The following HROB variants were observed in gnomAD, a reference collection of about 807,000 sequenced individuals.
HROB encodes homologous recombination OB-fold protein.
In HROB, 44 loss-of-function variants were observed where a neutral mutation model predicts 61.0. The ratio of observed to expected loss-of-function variants is 0.72; its 90% CI spans 0.57 to 0.93. HROB has a LOEUF of 0.93. HROB is among the 40% of genes least tolerant of loss of function. The pLI is 0.00. For missense variants in HROB, 716 were observed against 796.2 expected (o/e 0.90, Z 1.21); for synonymous variants, 301 against 310.4 (o/e 0.97, Z 0.32).
Position 44,148,139 on chromosome 17 carries a change from C to T in HROB, c.336C>T (p.Gly112=). Reference sequence around the variant, plus strand: ...TCTCTACTTCCAGCAGCTGGATTGGCAATCAGAGAAGAGTGACAGTGACAG... The same window carrying T: ...TCTCTACTTCCAGCAGCTGGATTGGTAATCAGAGAAGAGTGACAGTGACAG... ...RPVSTSSSWI[G]NQRRVTVTEV... is the part of the protein sequence containing the mutation. Residue 112 remains glycine, a synonymous_variant, in exon 3 of 10, where the codon GGC becomes GGT. Transcript: ENST00000585683. 6.2e-7 allele frequency: 1 copy of T among 1,614,156 alleles called. No individual in the cohort carries two copies. Among genetic ancestry groups the T allele is most frequent in the Non-Finnish European group, 8.5e-7 (1 of 1,180,034 alleles).
intron 5 of HROB, among the ~76,000 whole-genome samples, chr17:44,153,719 G>A (rs1279706905): frequency 3.9e-5 from 6 of 152,090 alleles, no homozygotes; most frequent in African/African-American, 1.4e-4. Context: ...ACTCTAGCCT[G>A]GGCAATAAGA....
intron 1 of HROB, among the ~76,000 whole-genome samples, chr17:44,143,823 A>G (rs1449471559): frequency 1.3e-5 from 2 of 152,060 alleles, no homozygotes; most frequent in African/African-American, 2.4e-5. Flanking sequence ...TCTCAAAACA[A>G]AAGACAAAAA....
In HROB at chr17:44,148,048, C is replaced by G. The variant is rs768499928; in HGVS notation, c.245C>G (p.Pro82Arg). The change falls in exon 3 of 10, where the codon CCT becomes CGT. Residue 82 changes from proline (P) to arginine (R), a missense_variant. By Grantham distance (103) the Pro-to-Arg change is moderately radical. Transcript: ENST00000585683. ...LGLPDLDLCL[P>R]ASSTPSADSR... ...CTGCCAGACTTGGACCTCTGCCTCCCTGCCTCCAGCACGCCCAGTGCTGAC... is the reference window on the plus strand; with the variant it reads ...CTGCCAGACTTGGACCTCTGCCTCCGTGCCTCCAGCACGCCCAGTGCTGAC... The G allele has an allele frequency of 3.1e-6, 5 of 1,614,136 alleles. No homozygotes were observed. Among genetic ancestry groups the G allele is most frequent in the Non-Finnish European group, 3.4e-6 (4 of 1,180,034 alleles).
chr17:44,151,996 G>A (rs2053823086), intron 4 of HROB, among the ~76,000 whole-genome samples: 1 of 152,160 alleles, frequency 6.6e-6, no homozygotes, highest in Middle Eastern at 3.4e-3. Context: ...GCAGGCGTGT[G>A]CCACCATGCC....
intron 7 of HROB, 53 bp downstream of exon 7, chr17:44,154,991 C>T (rs977166304): frequency 7.0e-6 from 11 of 1,573,688 alleles, no homozygotes; most frequent in Admixed American, 5.4e-5. Flanking sequence ...CCCTCAGTGT[C>T]TGTCTCCTTA....
rs766791699 is a variant in HROB, at chr17:44,145,247, A to C, written c.48A>C (p.Glu16Asp). 3.7e-6 allele frequency: 6 copies of C among 1,613,828 alleles called. No homozygotes were observed. In the East Asian group the frequency reaches 1.1e-4, roughly 30 times the overall value. The part of the protein sequence containing the change: ...QKLFAVEEEF[E>D]DEDFLSAVED... ...TGTTTGCTGTGGAAGAGGAGTTTGA[A>C]GATGAGGTAGGGAAGTGTTGATGAT... Residue 16 changes from glutamate (E) to aspartate (D), a missense_variant, in exon 2 of 10, where the codon GAA becomes GAC. Physicochemically the swap from Glu to Asp is conservative, Grantham distance 45. Coordinates refer to ENST00000585683, the MANE Select transcript of HROB (RefSeq NM_001171251.3).
intron 5 of HROB, among the ~76,000 whole-genome samples, chr17:44,153,527 C>G (rs930929790): frequency 2.6e-5 from 4 of 151,914 alleles, no homozygotes; most frequent in African/African-American, 9.7e-5. Flanking sequence ...GGGCGGATCA[C>G]CTGAGGTCGC....
At chr17:44,147,436 CT>C (rs34538292) in intron 2 of HROB, among the ~76,000 whole-genome samples, 41,117 of 114,278 alleles carry the variant, frequency 0.36, 6,460 homozygotes, top group East Asian at 0.62. Flanking sequence ...TCTTTTCTTT[CT>C]TTTTTTTTTT....
Position 44,157,869 on chromosome 17 carries a change from C to T in HROB, c.1807C>T (p.Pro603Ser), listed in dbSNP as rs1366824339. Reference protein sequence around the residue: ...GSFQHDVAAKPEEGFRTAQNL... With the variant: ...GSFQHDVAAKSEEGFRTAQNL... ...CTTCCAGCATGATGTGGCTGCAAAG[C>T]CCGAGGAAGGCTTCAGAACAGCACA... The change falls in exon 9 of 10, where the codon CCC (proline) becomes TCC (serine). Residue 603 changes from proline to serine, a missense_variant. Transcript: ENST00000585683. The T allele has an allele frequency of 1.2e-6, 2 of 1,613,426 alleles. No individual in the cohort carries two copies. The highest frequency in any genetic ancestry group is 1.7e-6 in the Non-Finnish European group (2 of 1,179,700).
intron 3 of HROB, among the ~76,000 whole-genome samples, chr17:44,149,251 CTCCT>C (rs371983503): frequency 3.1e-4 from 37 of 121,258 alleles, no homozygotes; most frequent in African/African-American, 1.6e-3. Context: ...CTTTTTTCTT[CTCCT>C]TTTTTTTTTT....
Position 44,157,405 on chromosome 17 carries a change from C to CTTTTTCTTTTTTTTTTTT in HROB, c.1771-423_1771-422insCTTTTTTTTTTTTTTTTT, listed in dbSNP as rs2054001691. Among the ~76,000 whole-genome samples the CTTTTTCTTTTTTTTTTTT allele has an allele frequency of 2.5e-5, 2 of 81,478 alleles. 1 individual carries two copies. The highest frequency in any genetic ancestry group is 1.0e-4 in the African/African-American group (2 of 19,624). 53.5% of individuals were successfully genotyped at this position (81,478 alleles called of 152,430 possible). A position where few individuals can be genotyped will look rare whatever the true frequency, so the allele number is the denominator to read the frequency against. ...TCTGCCATACTCTTCCATCATGTTTCTTTTTTTTTTTTTTTTTTTTTTTTT... is the reference window on the plus strand; with the variant it reads ...TCTGCCATACTCTTCCATCATGTTTCTTTTTCTTTTTTTTTTTTTTTTTTTTTTTTTTTTTTTTTTTTT... On this transcript the variant is annotated intron_variant, in intron 8 of 9. Coordinates refer to ENST00000585683, the MANE Select transcript of HROB (RefSeq NM_001171251.3).
rs543631818 is a variant in HROB at position 44,153,996 on chromosome 17, A to G, written c.1450-560A>G. On this transcript the variant is annotated intron_variant, in intron 5 of 9. Coordinates refer to ENST00000585683, the MANE Select transcript of HROB (RefSeq NM_001171251.3). ...CCAGAGGCGGAGGTTGCAATGAGCC[A>G]AGGTCGTGCCATGGTACTCCAGCCT... Among the ~76,000 whole-genome samples the G allele has an allele frequency of 2.0e-3, 298 of 152,104 alleles. 1 individual carries two copies. The highest frequency in any genetic ancestry group is 6.7e-3 in the African/African-American group (276 of 41,484).
intron 2 of HROB, among the ~76,000 whole-genome samples, chr17:44,145,636 A>C (rs957237119): frequency 6.6e-6 from 1 of 152,216 alleles, no homozygotes; most frequent in African/African-American, 2.4e-5. Context: ...GCAATTGGCT[A>C]TGTGAATCAG....
intron 9 of HROB, among the ~76,000 whole-genome samples, chr17:44,158,801 A>G (rs1172663974): frequency 6.6e-6 from 1 of 152,032 alleles, no homozygotes; most frequent in African/African-American, 2.4e-5. Flanking sequence ...GCCCGCCACC[A>G]TGCCCAGCTA....
chr17:44,150,279 A>G (rs1015912535), intron 3 of HROB, among the ~76,000 whole-genome samples: 3 of 152,064 alleles, frequency 2.0e-5, no homozygotes, highest in African/African-American at 7.3e-5. Flanking sequence ...CAGATATCCA[A>G]AGAGGCCGTC....
intron 2 of HROB, among the ~76,000 whole-genome samples, chr17:44,147,006 T>C (rs1353313125): frequency 6.6e-6 from 1 of 150,574 alleles, no homozygotes; most frequent in Non-Finnish European, 1.5e-5. Context: ...TCTGGCTTAC[T>C]GAAGGGTAGC....
At chr17:44,158,942 C>T (rs565930770) in intron 9 of HROB, among the ~76,000 whole-genome samples, 9 of 152,266 alleles carry the variant, frequency 5.9e-5, no homozygotes, top group South Asian at 2.1e-4. Context: ...CCACCGCGCC[C>T]GGCCATGCCC....
intron 4 of HROB, among the ~76,000 whole-genome samples, chr17:44,151,329 G>A (rs2143969794): frequency 6.6e-6 from 1 of 152,268 alleles, no homozygotes; most frequent in South Asian, 2.1e-4. Flanking sequence ...TGGGGGAGGA[G>A]ACTGTGATAA....
At chr17:44,160,424 C>G (rs991430573) in intron 9 of HROB, among the ~76,000 whole-genome samples, 2 of 152,004 alleles carry the variant, frequency 1.3e-5, no homozygotes, top group African/African-American at 4.8e-5. Flanking sequence ...AAAAAATTAG[C>G]CAGGCGTGGT....
Sources: gnomAD v4.1 joint callset for allele counts (sites outside exome capture counted in the v4.1 genomes callset) on GRCh38, gnomAD v4.1.1 for gene constraint, MANE v1.5 for transcripts, NCBI Gene and HGNC (gene_info 2026-07-23, HGNC 2026-07-21) for gene names.